The following HUNK variants were observed in gnomAD, a reference collection of about 807,000 sequenced individuals.
HUNK encodes hormonally up-regulated neu tumor-associated kinase.
HUNK carries 21 observed loss-of-function variants against 61.0 expected under a neutral mutation model. The ratio of observed to expected loss-of-function variants is 0.34; its 90% CI spans 0.24 to 0.50. The LOEUF is 0.50. Among genes scored for constraint, HUNK ranks in the 20% least tolerant of loss-of-function variants. The pLI is 0.98. For synonymous variants in HUNK, 371 were observed against 386.1 expected (o/e 0.96, Z 0.46); for missense variants, 772 against 945.7 (o/e 0.82, Z 2.41).
intron 1 of HUNK, among the ~76,000 whole-genome samples, chr21:31,879,449 G>T (rs182589297): frequency 6.6e-6 from 1 of 152,330 alleles, no homozygotes; most frequent in Non-Finnish European, 1.5e-5. Context: ...ACTTGTGAAT[G>T]ATGGAAATTG....
intron 1 of HUNK, among the ~76,000 whole-genome samples, chr21:31,884,995 C>G (rs2052335654): frequency 6.6e-6 from 1 of 152,062 alleles, no homozygotes; most frequent in Non-Finnish European, 1.5e-5. Context: ...TCAGGCTGGT[C>G]TCGAACTCCT....
intron 8 of HUNK, among the ~76,000 whole-genome samples, chr21:31,989,578 G>A (rs893466261): frequency 6.6e-6 from 1 of 152,042 alleles, no homozygotes; most frequent in Non-Finnish European, 1.5e-5. Context: ...GCTGGGTGTG[G>A]TGGTGCACGC....
At chr21:31,949,595 G>GCA (rs2052834999) in intron 4 of HUNK, among the ~76,000 whole-genome samples, 1 of 146,168 alleles carries the variant, frequency 6.8e-6, no homozygotes, top group African/African-American at 2.8e-5. Context: ...ACACACACAC[G>GCA]CACACAAAAG....
At chr21:31,911,315 G>A (rs1358128447) in intron 1 of HUNK, among the ~76,000 whole-genome samples, 1 of 152,146 alleles carries the variant, frequency 6.6e-6, no homozygotes. Flanking sequence ...GGAACAAATA[G>A]CCTCGGGGCA....
chr21:31,889,489 C>G (rs2052371530), intron 1 of HUNK, among the ~76,000 whole-genome samples: 1 of 152,204 alleles, frequency 6.6e-6, no homozygotes, highest in South Asian at 2.1e-4. Context: ...TTCTTGTTTC[C>G]AGGTTAAAAA....
At chr21:31,950,588 T>C (rs2052842695) in intron 4 of HUNK, among the ~76,000 whole-genome samples, 1 of 152,204 alleles carries the variant, frequency 6.6e-6, no homozygotes, top group African/African-American at 2.4e-5. Context: ...TTTTAAGAGA[T>C]GAATTTCCTA....
Position 31,897,951 on chromosome 21 carries a change from C to T in HUNK, c.261+24016C>T, listed in dbSNP as rs568631831. On this transcript the variant is annotated intron_variant, in intron 1 of 10. Transcript: ENST00000270112. ...GGGATGCTCATCATTGTTAAGTGCACTTGGGCTTATGGTTCATTGGCAGTT... is the reference window on the plus strand; with the variant it reads ...GGGATGCTCATCATTGTTAAGTGCATTTGGGCTTATGGTTCATTGGCAGTT... Among the ~76,000 whole-genome samples the T allele has an allele frequency of 3.3e-5, 5 of 152,242 alleles. No individual in the cohort carries two copies. In the South Asian group the frequency reaches 1.0e-3, roughly 32 times the overall value.
intron 1 of HUNK, among the ~76,000 whole-genome samples, chr21:31,878,868 T>A (rs1240513188): frequency 1.3e-5 from 2 of 152,252 alleles, no homozygotes; most frequent in African/African-American, 4.8e-5. Flanking sequence ...TTACCTTTTT[T>A]GTGATTGAGT....
chr21:31,883,947 C>A (rs1260336988), intron 1 of HUNK, among the ~76,000 whole-genome samples: 2 of 152,156 alleles, frequency 1.3e-5, no homozygotes, highest in Non-Finnish European at 2.9e-5. Flanking sequence ...AACCATGACC[C>A]TGGAGTAAGC....
At position 31,924,250 on chromosome 21, in the gene HUNK, C is replaced by T. The variant is rs1257812371; in HGVS notation, c.262-218C>T. Among the ~76,000 whole-genome samples the T allele has an allele frequency of 1.3e-5, 2 of 150,354 alleles. No homozygotes were observed. The highest frequency in any genetic ancestry group is 1.5e-5 in the Non-Finnish European group (1 of 67,796). On this transcript the variant is annotated intron_variant, in intron 1 of 10. Coordinates refer to ENST00000270112, the MANE Select transcript of HUNK (RefSeq NM_014586.2). This position sits in a 1 kb window ranked among gnomAD's most constrained non-coding sequence, Gnocchi z 5.1. ...TAATAATTGGACCTTTTGATTTTTC[C>T]TAATGTTGTACCTATATGTGTGTGT...
Position 31,924,371 on chromosome 21 carries a change from G to A in HUNK, c.262-97G>A. ...AGGTAAGGTGTTTCTCCTCTGCAGAGACATAGCTAGCATTTTTCTTGGGTT... is the reference window on the plus strand; with the variant it reads ...AGGTAAGGTGTTTCTCCTCTGCAGAAACATAGCTAGCATTTTTCTTGGGTT... On this transcript the variant is annotated intron_variant, in intron 1 of 10. Coordinates refer to ENST00000270112, the MANE Select transcript of HUNK (RefSeq NM_014586.2). The surrounding 1 kb of genome is among the most constrained non-coding windows in gnomAD (Gnocchi z 5.1). The A allele has an allele frequency of 1.9e-6, 2 of 1,077,478 alleles. No individual in the cohort carries two copies. Among genetic ancestry groups the A allele is most frequent in the Non-Finnish European group, 2.7e-6 (2 of 749,466 alleles). The allele number at this position is 1,077,478 out of a possible 1,614,324, so 66.7% of individuals were successfully genotyped here.
rs748197431 is a variant in HUNK at position 31,892,148 on chromosome 21, T to TAA, written c.261+18227_261+18228dup. ...TCATGGTATTCAATGAGAATTTGGT[T>TAA]AAAAAAAAAAAAAAATATATATATA... is the stretch of plus-strand genomic sequence containing the variant. On this transcript the variant is annotated intron_variant, in intron 1 of 10. Transcript: ENST00000270112. 5.5e-3 allele frequency among the ~76,000 whole-genome samples: 512 copies of TAA among 92,954 alleles called. 2 individuals carry two copies. The highest frequency in any genetic ancestry group is 7.7e-3 in the Non-Finnish European group (370 of 48,214). 61.0% of individuals were successfully genotyped at this position (92,954 alleles called of 152,430 possible). A position where few individuals can be genotyped will look rare whatever the true frequency, so the allele number is the denominator to read the frequency against.
intron 7 of HUNK, among the ~76,000 whole-genome samples, chr21:31,981,648 A>G (rs1364436638): frequency 6.6e-6 from 1 of 151,778 alleles, no homozygotes; most frequent in Non-Finnish European, 1.5e-5. Flanking sequence ...TCTTGATTTC[A>G]TTTTTGAATA....
At chr21:31,874,172 C>G (rs752047611) in intron 1 of HUNK, among the ~76,000 whole-genome samples, 5 of 151,872 alleles carry the variant, frequency 3.3e-5, no homozygotes, top group African/African-American at 4.8e-5. Context: ...GGCCTTGCCC[C>G]GGGAAGCGTC....
chr21:31,954,250 G>C (rs2833576), intron 4 of HUNK, among the ~76,000 whole-genome samples: 1 of 152,186 alleles, frequency 6.6e-6, no homozygotes, highest in African/African-American at 2.4e-5. Context: ...AGGAAGCTAG[G>C]TGTGCCGTAA....
At chr21:31,973,737 T>C (rs1235913070) in intron 6 of HUNK, among the ~76,000 whole-genome samples, 1 of 152,196 alleles carries the variant, frequency 6.6e-6, no homozygotes, top group Non-Finnish European at 1.5e-5. Flanking sequence ...CTGTGGGCTT[T>C]GGTTTTGTTA....
chr21:31,876,148 G>A (rs2052260755), intron 1 of HUNK, among the ~76,000 whole-genome samples: 1 of 152,220 alleles, frequency 6.6e-6, no homozygotes, highest in Non-Finnish European at 1.5e-5. Context: ...TGCAATGACA[G>A]GAGATGTTAA....
chr21:31,979,954 T>A (rs1390953478), intron 7 of HUNK, among the ~76,000 whole-genome samples: 1 of 152,258 alleles, frequency 6.6e-6, no homozygotes, highest in African/African-American at 2.4e-5. Context: ...CTATTTGTGC[T>A]TTTGTTGCCT....
chr21:31,968,441 C>CAGTTCCGGACTGCTAGTTCTGT, intron 6 of HUNK, 56 bp downstream of exon 6: 1 of 1,601,322 alleles, frequency 6.2e-7, no homozygotes, highest in African/African-American at 1.3e-5. Context: ...GTCCTACTAG[C>CAGTTCCGGACTGCTAGTTCTGT]CCTGAGCAGT....
Sources: gnomAD v4.1 joint callset for allele counts (sites outside exome capture counted in the v4.1 genomes callset) on GRCh38, gnomAD v4.1.1 for gene constraint, Gnocchi (gnomAD v3.1) non-coding constraint, MANE v1.5 for transcripts, NCBI Gene and HGNC (gene_info 2026-07-23, HGNC 2026-07-21) for gene names.